Variants in HHIPL1 observed in about 807,000 individuals in gnomAD.
HHIPL1 encodes HHIP-like protein 1.
A neutral mutation model predicts 61.8 loss-of-function variants in HHIPL1; 43 were observed. The ratio of observed to expected loss-of-function variants is 0.70; its 90% CI spans 0.55 to 0.90. The LOEUF (loss-of-function observed/expected upper bound fraction) is 0.90, where lower values mean the gene tolerates loss of function less well. Among genes scored for constraint, HHIPL1 ranks in the 40% least tolerant of loss-of-function variants. The pLI is 0.00. For synonymous variants in HHIPL1, 482 were observed against 515.8 expected (o/e 0.93, Z 0.89); for missense variants, 1,056 against 1,157.7 (o/e 0.91, Z 1.28).
At chr14:99,633,584 G>A in the HHIPL1 span, among the ~76,000 whole-genome samples, 15 of 152,204 alleles carry the variant, frequency 9.9e-5, no homozygotes, top group African/African-American at 3.6e-4. Flanking sequence ...TTTGCACTGC[G>A]GAGGGGTCCT....
At chr14:99,623,949 CTGCTT>C in the HHIPL1 span, among the ~76,000 whole-genome samples, 7 of 152,332 alleles carry the variant, frequency 4.6e-5, no homozygotes, top group Admixed American at 6.5e-5. Flanking sequence ...AGGGAACACT[CTGCTT>C]TGTTATTGAA....
At chr14:99,605,228 C>A in the HHIPL1 span, among the ~76,000 whole-genome samples, 1 of 152,250 alleles carries the variant, frequency 6.6e-6, no homozygotes, top group East Asian at 1.9e-4. Flanking sequence ...GGGGCCTGAA[C>A]GCCGGGGTCC....
upstream of HHIPL1, among the ~76,000 whole-genome samples, chr14:99,643,451 T>C (rs1343777142): frequency 2.6e-5 from 4 of 152,202 alleles, no homozygotes; most frequent in African/African-American, 9.7e-5. Flanking sequence ...GGGTGAGGAT[T>C]TATGTTACTC....
At position 99,675,233 on chromosome 14, in the gene HHIPL1, GGGCGGCGGGC is replaced by G. The variant is rs943115622; in HGVS notation, c.1966_1975del (p.Arg656GlyfsTer3). The G allele has an allele frequency of 2.2e-4, 268 of 1,209,594 alleles. No homozygotes were observed. Among genetic ancestry groups the G allele is most frequent in the Non-Finnish European group, 2.6e-4 (253 of 974,374 alleles). The allele number at this position is 1,209,594 out of a possible 1,614,324, so 74.9% of individuals were successfully genotyped here. On this transcript the variant is annotated frameshift_variant, in exon 9 of 9. Coordinates refer to ENST00000330710, the MANE Select transcript of HHIPL1 (RefSeq NM_001127258.3). LOFTEE classifies it low-confidence loss of function (END_TRUNC). The surrounding 1 kb of genome is among the most constrained non-coding windows in gnomAD (Gnocchi z 5.4). ...CCACCCAGCAGCCAGGGAGCCGGAGGGGCGGCGGGCGGCGGCGGGGGCGGCTGAACTCGGC... is the reference window on the plus strand; with the variant it reads ...CCACCCAGCAGCCAGGGAGCCGGAGGGGCGGCGGGGGCGGCTGAACTCGGC...
the HHIPL1 span, among the ~76,000 whole-genome samples, chr14:99,619,124 TG>T: frequency 6.6e-6 from 1 of 152,106 alleles, no homozygotes; most frequent in Non-Finnish European, 1.5e-5. Context: ...GTACTGGCCC[TG>T]GTGCTGGGTC....
At chr14:99,631,106 T>TTCTCTC in the HHIPL1 span, among the ~76,000 whole-genome samples, 11 of 121,454 alleles carry the variant, frequency 9.1e-5, no homozygotes, top group African/African-American at 3.4e-4. Context: ...CTTTCTTTCT[T>TTCTCTC]TCTCTCTCTT....
At chr14:99,631,180 C>T in the HHIPL1 span, among the ~76,000 whole-genome samples, 1 of 150,728 alleles carries the variant, frequency 6.6e-6, no homozygotes, top group Admixed American at 6.6e-5. Flanking sequence ...TGCAGTCAAC[C>T]TCTGCCTCCT....
At chr14:99,635,933 A>G in the HHIPL1 span, among the ~76,000 whole-genome samples, 17 of 152,170 alleles carry the variant, frequency 1.1e-4, no homozygotes, top group Non-Finnish European at 2.5e-4. Context: ...CCTACTGTGC[A>G]TCGGTCTCAG....
At position 99,679,715 on chromosome 14, in the gene HHIPL1, GGCACGTACACT is replaced by G. The variant is rs1477966449; in HGVS notation, c.*4090_*4100del. ...ATGAGGTAGCATTGCAGACGTGCAT[GGCACGTACACT>G]CTAGGTTGCTTCCTAGACAGAAAGC... On this transcript the variant is annotated 3_prime_UTR_variant, in exon 9 of 9. Transcript: ENST00000330710. The G allele has an allele frequency of 6.6e-6, 1 of 152,230 alleles. No individual in the cohort carries two copies. Among genetic ancestry groups the G allele is most frequent in the African/African-American group, 2.4e-5 (1 of 41,438 alleles). The allele number at this position is 152,230 out of a possible 1,614,324, so 9.4% of individuals were successfully genotyped here. A position where few individuals can be genotyped will look rare whatever the true frequency, so the allele number is the denominator to read the frequency against.
rs1566804806 is a variant in HHIPL1 at position 99,646,823 on chromosome 14, ATATGATATG to A, written c.255+1362_255+1370del. Among the ~76,000 whole-genome samples, 270 of 66,620 alleles carry A rather than the reference ATATGATATG, an allele frequency of 4.1e-3. 2 individuals carry two copies. The East Asian group carries it at 0.073, about 18-fold the overall frequency. 43.7% of individuals were successfully genotyped at this position (66,620 alleles called of 152,430 possible). On this transcript the variant is annotated intron_variant, in intron 1 of 8. Transcript: ENST00000330710. The stretch of plus-strand genomic sequence containing the variant: ...ATATGATATGATATGATATGATATG[ATATGATATG>A]ATATAATATAATATAATATAATATA...
the HHIPL1 span, among the ~76,000 whole-genome samples, chr14:99,637,091 A>AGAAG: frequency 0.16 from 20,555 of 126,880 alleles, 3,171 homozygotes; most frequent in Non-Finnish European, 0.23. Context: ...AAAGAAAGAA[A>AGAAG]GAAGGAAGGA....
At chr14:99,638,000 A>G in the HHIPL1 span, among the ~76,000 whole-genome samples, 2 of 152,314 alleles carry the variant, frequency 1.3e-5, no homozygotes, top group African/African-American at 4.8e-5. Context: ...AGGATTTCAG[A>G]CACCTAAAGG....
chr14:99,652,542 G>A lies in HHIPL1; in HGVS notation c.574G>A (p.Gly192Arg), dbSNP rs769901251. ...LQLCLEEVAN[G>R]LRNPVAMVHA... ...GCTGTGCCTGGAGGAGGTGGCCAAC[G>A]GGCTGCGCAACCCCGTGGCCATGGT... Residue 192 changes from glycine (G) to arginine (R), a missense_variant, in exon 2 of 9, where the codon GGG becomes AGG. Physicochemically the swap from Gly to Arg is moderately radical, Grantham distance 125 (BLOSUM62 -2). Transcript: ENST00000330710. 11 of 1,613,002 alleles carry A rather than the reference G, an allele frequency of 6.8e-6. No individual in the cohort carries two copies. Among genetic ancestry groups the A allele is most frequent in the South Asian group, 1.1e-5 (1 of 91,072 alleles).
chr14:99,653,399 C>T (rs959379328), intron 2 of HHIPL1, among the ~76,000 whole-genome samples: 2 of 152,158 alleles, frequency 1.3e-5, no homozygotes, highest in African/African-American at 4.8e-5. Flanking sequence ...GTGGCACAAT[C>T]GCAGCTCACT....
chr14:99,664,915 C>CTTT (rs113486043), intron 6 of HHIPL1, among the ~76,000 whole-genome samples: 1 of 141,708 alleles, frequency 7.1e-6, no homozygotes, highest in Non-Finnish European at 1.5e-5. Flanking sequence ...TTTTTTTTTT[C>CTTT]TTTTTTTTTT....
intron 4 of HHIPL1, 113 bp downstream of exon 4, chr14:99,659,869 T>G: frequency 1.7e-6 from 1 of 579,698 alleles, no homozygotes; most frequent in Non-Finnish European, 2.5e-6. Context: ...CGGAGATCCC[T>G]GACCCTGAGT....
chr14:99,651,047 G>A (rs189417880), intron 1 of HHIPL1, among the ~76,000 whole-genome samples: 298 of 152,288 alleles, frequency 2.0e-3, no homozygotes, highest in Middle Eastern at 0.014. Flanking sequence ...TCAGGAGTTC[G>A]AGAGCATCCT....
At position 99,668,824 on chromosome 14, in the gene HHIPL1, C is replaced by A; in HGVS notation, c.1730+521C>A. 1 of 1,613,440 alleles carries A rather than the reference C, an allele frequency of 6.2e-7. No homozygotes were observed. The highest frequency in any genetic ancestry group is 2.2e-5 in the East Asian group (1 of 44,868). On this transcript the variant is annotated intron_variant, in intron 7 of 8. Coordinates refer to ENST00000330710, the MANE Select transcript of HHIPL1 (RefSeq NM_001127258.3). The surrounding 1 kb of genome is among the most constrained non-coding windows in gnomAD (Gnocchi z 4.7). Reference sequence around the variant, plus strand: ...TCGCCGGCTCCATCTCCCCGGCTTCCCTTCTAGCTGTAAGGCCAGAAGCGC... The same window carrying A: ...TCGCCGGCTCCATCTCCCCGGCTTCACTTCTAGCTGTAAGGCCAGAAGCGC...
chr14:99,628,722 C>T, the HHIPL1 span, among the ~76,000 whole-genome samples: 2 of 152,108 alleles, frequency 1.3e-5, no homozygotes, highest in Non-Finnish European at 2.9e-5. Flanking sequence ...ACCCCTGGAC[C>T]CCTCCCCTCC....
Sources: gnomAD v4.1 joint callset for allele counts (sites outside exome capture counted in the v4.1 genomes callset) on GRCh38, gnomAD v4.1.1 for gene constraint, Gnocchi (gnomAD v3.1) non-coding constraint, MANE v1.5 for transcripts, NCBI Gene and HGNC (gene_info 2026-07-23, HGNC 2026-07-21) for gene names.